The following BCR variants were observed in gnomAD, a reference collection of about 807,000 sequenced individuals.
BCR encodes BCR activator of RhoGEF and GTPase, also known as breakpoint cluster region protein.
Under a neutral mutation model 138.6 loss-of-function variants are expected in BCR, and 58 were observed. The ratio of observed to expected loss-of-function variants is 0.42; its 90% confidence interval spans 0.34 to 0.52. The LOEUF (loss-of-function observed/expected upper bound fraction) is 0.52. Among genes scored for constraint, BCR ranks in the 20% least tolerant of loss-of-function variants. The pLI, the probability that BCR is intolerant of heterozygous loss-of-function variation, is 0.06. For synonymous variants in BCR, 786 were observed against 730.1 expected, an observed-to-expected ratio of 1.08 and a Z score of -1.23; for missense variants, 1,599 against 1,727.2, an observed-to-expected ratio of 0.93 and a Z score of 1.32.
intron 1 of BCR, among the ~76,000 whole-genome samples, chr22:23,190,552 A>G (rs2072400723): frequency 6.6e-6 from 1 of 152,218 alleles, no homozygotes; most frequent in African/African-American, 2.4e-5. Context: ...TCAGTTCTTG[A>G]AAGGCCTTAT....
intron 1 of BCR, among the ~76,000 whole-genome samples, chr22:23,241,370 G>A (rs557582812): frequency 6.6e-6 from 1 of 152,320 alleles, no homozygotes; most frequent in Admixed American, 6.5e-5. Context: ...CTTTGGAGGG[G>A]CAGTGAGTGG....
intron 8 of BCR, among the ~76,000 whole-genome samples, chr22:23,282,616 G>A (rs1402360993): frequency 6.6e-6 from 1 of 152,238 alleles, no homozygotes; most frequent in Non-Finnish European, 1.5e-5. Context: ...AAGAACCTCA[G>A]GCTGCAGGTG....
intron 5 of BCR, among the ~76,000 whole-genome samples, chr22:23,269,674 C>G (rs966722717): frequency 7.9e-5 from 12 of 152,186 alleles, no homozygotes; most frequent in African/African-American, 2.9e-4. Context: ...GGCTCCAGCT[C>G]CCTCCCCACT....
Position 23,315,764 on chromosome 22 carries a change from A to C in BCR, c.*242A>C. 1 of 602,030 alleles carries C rather than the reference A, an allele frequency of 1.7e-6. No individual in the cohort carries two copies. Among genetic ancestry groups the C allele is most frequent in the Non-Finnish European group, 3.1e-6 (1 of 323,640 alleles). The allele number at this position is 602,030 out of a possible 1,614,324, so 37.3% of individuals were successfully genotyped here. A position where few individuals can be genotyped will look rare whatever the true frequency, so the allele number is the denominator to read the frequency against. On this transcript the variant is annotated 3_prime_UTR_variant, in exon 23 of 23. Coordinates refer to ENST00000305877, the MANE Select transcript of BCR (RefSeq NM_004327.4). Reference sequence around the variant, plus strand: ...TTATGTGGCCACCTGAGGGCGCCCCAAGCCAGTTCATCTCGGAGTCCAGGC... The same window carrying C: ...TTATGTGGCCACCTGAGGGCGCCCCCAGCCAGTTCATCTCGGAGTCCAGGC...
At chr22:23,214,916 A>G (rs141429076) in intron 1 of BCR, among the ~76,000 whole-genome samples, 122 of 152,262 alleles carry the variant, frequency 8.0e-4, no homozygotes, top group Middle Eastern at 3.4e-3. Flanking sequence ...CATCACCACT[A>G]TCCATCTCCA....
Position 23,191,185 on chromosome 22 carries a change from G to T in BCR, c.1279+8946G>T, listed in dbSNP as rs139521523. Among the ~76,000 whole-genome samples the T allele has an allele frequency of 7.6e-4, 116 of 152,326 alleles. 1 individual carries two copies. The East Asian group carries it at 0.019, about 26-fold the overall frequency. ...GCCTCAAACGATCCTTCCCGCCTCG[G>T]CCTCCCGAAGTGCTGGGAATAATTA... is the stretch of plus-strand genomic sequence containing the variant. On this transcript the variant is annotated intron_variant, in intron 1 of 22. Transcript: ENST00000305877.
chr22:23,202,721 T>TGTGTGTGTGTGTG lies in BCR; in HGVS notation c.1279+20482_1279+20483insGTGTGTGTGTGTG, dbSNP rs369930434. Among the ~76,000 whole-genome samples, 54 of 142,866 alleles carry TGTGTGTGTGTGTG rather than the reference T, an allele frequency of 3.8e-4. No individual in the cohort carries two copies. The East Asian group carries it at 0.012, about 31-fold the overall frequency. 93.7% of individuals were successfully genotyped at this position (142,866 alleles called of 152,430 possible). On this transcript the variant is annotated intron_variant, in intron 1 of 22. Coordinates refer to ENST00000305877, the MANE Select transcript of BCR (RefSeq NM_004327.4). ...TAAGCTTGAGTAATAATTCAATTGT[T>TGTGTGTGTGTGTG]TGTGTGTGTGTGTGTGTGTGTGTGT...
rs576045950 is a variant in BCR, at chr22:23,294,539, C to G, written c.2881-485C>G. Reference sequence around the variant, plus strand: ...CCTCAGCCTTACAAGTAGCTGGGATCACAGGCATGCACCACCACGCCATAC... The same window carrying G: ...CCTCAGCCTTACAAGTAGCTGGGATGACAGGCATGCACCACCACGCCATAC... On this transcript the variant is annotated intron_variant, in intron 15 of 22. Coordinates refer to ENST00000305877, the MANE Select transcript of BCR (RefSeq NM_004327.4). 7.2e-4 allele frequency among the ~76,000 whole-genome samples: 110 copies of G among 152,268 alleles called. 1 individual carries two copies. In the Middle Eastern group the frequency reaches 0.01, roughly 14 times the overall value.
intron 1 of BCR, among the ~76,000 whole-genome samples, chr22:23,191,151 A>G (rs2072408569): frequency 6.6e-6 from 1 of 152,094 alleles, no homozygotes; most frequent in African/African-American, 2.4e-5. Flanking sequence ...GGCTGGTCTC[A>G]AACTCCTGGC....
At chr22:23,252,321 C>T (rs2073237475) in intron 1 of BCR, among the ~76,000 whole-genome samples, 1 of 152,120 alleles carries the variant, frequency 6.6e-6, no homozygotes, top group Non-Finnish European at 1.5e-5. Context: ...CTGGCCTGTG[C>T]TCCTCACCCC....
chr22:23,291,472 G>A (rs1190372882), intron 14 of BCR, among the ~76,000 whole-genome samples: 1 of 151,800 alleles, frequency 6.6e-6, no homozygotes, highest in Admixed American at 6.6e-5. Context: ...CTTTCTCCTG[G>A]GCCCCTGTCT....
At chr22:23,311,609 C>T (rs2074008483) in intron 18 of BCR, 88 bp from the exon 19 acceptor site, 4 of 1,208,798 alleles carry the variant, frequency 3.3e-6, no homozygotes, top group Non-Finnish European at 2.4e-6. Context: ...CTCACCCCAC[C>T]TCCGGGTGTG....
chr22:23,244,870 C>A (rs1393756181), intron 1 of BCR, among the ~76,000 whole-genome samples: 1 of 152,206 alleles, frequency 6.6e-6, no homozygotes, highest in Non-Finnish European at 1.5e-5. Context: ...CACCAGCCGG[C>A]CCCCAACCTG....
intron 1 of BCR, among the ~76,000 whole-genome samples, chr22:23,209,216 C>T (rs896565239): frequency 3.4e-4 from 51 of 151,948 alleles, no homozygotes; most frequent in African/African-American, 1.1e-3. Flanking sequence ...AAAAATGAAC[C>T]GGGTGTGGTG....
intron 1 of BCR, among the ~76,000 whole-genome samples, chr22:23,201,321 G>A (rs2072550846): frequency 6.6e-6 from 1 of 152,228 alleles, no homozygotes; most frequent in African/African-American, 2.4e-5. Flanking sequence ...TGCTGGCAGT[G>A]CTTACCTCCT....
At chr22:23,253,040 C>T (rs1050817255) in intron 1 of BCR, among the ~76,000 whole-genome samples, 1 of 152,194 alleles carries the variant, frequency 6.6e-6, no homozygotes, top group Non-Finnish European at 1.5e-5. Flanking sequence ...CAGCCCCCTC[C>T]TTGAGTTTGA....
At position 23,315,421 on chromosome 22, in the gene BCR, C is replaced by G. The variant is rs747132082; in HGVS notation, c.3727-12C>G. 2 of 1,613,544 alleles carry G rather than the reference C, an allele frequency of 1.2e-6. No homozygotes were observed. The highest frequency in any genetic ancestry group is 2.2e-5 in the East Asian group (1 of 44,878). ...CTGAGCCACTCTTCTCTTCCCTACT[C>G]TGCCCGGGCAGGTCCAGGTGCTGCT... On this transcript the variant is annotated splice_polypyrimidine_tract_variant and intron_variant, in intron 22 of 22. Transcript: ENST00000305877.
Position 23,281,501 on chromosome 22 carries a change from G to A in BCR, c.2116-2476G>A, listed in dbSNP as rs60949584. Among the ~76,000 whole-genome samples, 783 of 152,364 alleles carry A rather than the reference G, an allele frequency of 5.1e-3. 6 individuals are homozygous for A. The highest frequency in any genetic ancestry group is 0.017 in the African/African-American group (692 of 41,588). On this transcript the variant is annotated intron_variant, in intron 8 of 22. Coordinates refer to ENST00000305877, the MANE Select transcript of BCR (RefSeq NM_004327.4). ...CGCTTCCGAGAGGGACATCTCCTGG[G>A]CAGGGAGTGACATAGGCCACGCCAT...
intron 5 of BCR, among the ~76,000 whole-genome samples, chr22:23,270,386 T>C (rs1480457012): frequency 1.3e-5 from 2 of 152,208 alleles, no homozygotes; most frequent in Non-Finnish European, 2.9e-5. Flanking sequence ...CAAGTTTTCT[T>C]GAGGCAGGTT....
Sources: gnomAD v4.1 joint callset for allele counts (sites outside exome capture counted in the v4.1 genomes callset) on GRCh38, gnomAD v4.1.1 for gene constraint, MANE v1.5 for transcripts, NCBI Gene and HGNC (gene_info 2026-07-23, HGNC 2026-07-21) for gene names.